Variants in TUBAL3 observed in about 807,000 individuals in gnomAD.
The protein encoded by TUBAL3 is tubulin alpha like 3.
A neutral mutation model predicts 15.5 loss-of-function variants in TUBAL3; 16 were observed. The observed-to-expected ratio is 1.04, with a 90% CI of 0.70 to 1.57. The LOEUF (loss-of-function observed/expected upper bound fraction) is 1.57, where lower values mean the gene tolerates loss of function less well. Ranked by LOEUF, TUBAL3 falls within the 40% of genes most tolerant of loss-of-function variation. The pLI is 0.00. For missense variants in TUBAL3, 609 were observed against 576.2 expected, an observed-to-expected ratio of 1.06 and a Z score of -0.58; for synonymous variants, 238 against 224.3, an observed-to-expected ratio of 1.06 and a Z score of -0.55.
At chr10:5,398,370 C>T (rs1337403711) in intron 2 of TUBAL3, among the ~76,000 whole-genome samples, 1 of 139,152 alleles carries the variant, frequency 7.2e-6, no homozygotes, top group Non-Finnish European at 1.5e-5. Context: ...CAGTGAGCAG[C>T]GATAGTGCCA....
At chr10:5,402,700 C>T (rs1342587949) in intron 1 of TUBAL3, among the ~76,000 whole-genome samples, 1 of 152,254 alleles carries the variant, frequency 6.6e-6, no homozygotes, top group Non-Finnish European at 1.5e-5. Context: ...AGCTCTGCCT[C>T]CTGTCGGATC....
At position 5,403,042 on chromosome 10, in the gene TUBAL3, G is replaced by T. The variant is rs528298659; in HGVS notation, c.3+1748C>A. 8.5e-5 allele frequency among the ~76,000 whole-genome samples: 13 copies of T among 152,320 alleles called. No individual in the cohort carries two copies. In the South Asian group the frequency reaches 2.5e-3, roughly 29 times the overall value. On this transcript the variant is annotated intron_variant, in intron 1 of 3. Transcript: ENST00000380419. ...CATCAAACCTTTGTACTTTGTCTCT[G>T]TGATTCACAAGGCATAACAGCCCTC...
chr10:5,395,343 T>C lies in TUBAL3; in HGVS notation c.380A>G (p.Glu127Gly), dbSNP rs1356515429. The C allele has an allele frequency of 1.9e-6, 3 of 1,572,280 alleles. No individual in the cohort carries two copies. Among genetic ancestry groups the C allele is most frequent in the Admixed American group, 3.5e-5 (2 of 57,170 alleles). ...VGSEVIDLVL[E>G]RTRKLAEQCG... is the part of the protein sequence containing the mutation. Reference sequence around the variant, plus strand: ...GCCACTTGCCAGCTTCCGGGTCCTCTCCAGCACAAGGTCGATGACCTCCGA... The same window carrying C: ...GCCACTTGCCAGCTTCCGGGTCCTCCCCAGCACAAGGTCGATGACCTCCGA... The change falls in exon 3 of 4, where the codon GAG (glutamate) becomes GGG (glycine). Residue 127 changes from glutamate to glycine, a missense_variant. Coordinates refer to ENST00000380419, the MANE Select transcript of TUBAL3 (RefSeq NM_024803.3). This position sits in a 1 kb window ranked among gnomAD's most constrained non-coding sequence, Gnocchi z 4.6.
rs373296205 is a variant in TUBAL3 at position 5,404,828 on chromosome 10, T to C, written c.-36A>G. On this transcript the variant is annotated 5_prime_UTR_variant, in exon 1 of 4. Transcript: ENST00000380419. The stretch of plus-strand genomic sequence containing the variant: ...ACGTGCCCTTCCTGCCCTGTAGTAA[T>C]GACTGAGGAGCCTCCCAGCTGAGCT... 2 of 1,611,240 alleles carry C rather than the reference T, an allele frequency of 1.2e-6. No individual in the cohort carries two copies. The highest frequency in any genetic ancestry group is 2.7e-5 in the African/African-American group (2 of 74,866).
At chr10:5,401,119 CA>C (rs1554814621) in intron 1 of TUBAL3, 32 bp from the exon 2 acceptor site, 1 of 1,609,738 alleles carries the variant, frequency 6.2e-7, no homozygotes, top group South Asian at 1.1e-5. Flanking sequence ...TGGAACTGAG[CA>C]GGTGTTTAGA....
At chr10:5,398,762 AT>A (rs1273327528) in intron 2 of TUBAL3, among the ~76,000 whole-genome samples, 20 of 150,960 alleles carry the variant, frequency 1.3e-4, no homozygotes, top group Middle Eastern at 3.4e-3. Flanking sequence ...GTTTTGCAAT[AT>A]TTTTTTTTGG....
chr10:5,399,800 T>C (rs188109766), intron 2 of TUBAL3, among the ~76,000 whole-genome samples: 2 of 152,294 alleles, frequency 1.3e-5, no homozygotes, highest in African/African-American at 4.8e-5. Flanking sequence ...TCAAAGTGGA[T>C]GCCCCAGTTC....
rs189143380 is a variant in TUBAL3 at position 5,393,233 on chromosome 10, T to G, written c.*284A>C. On this transcript the variant is annotated 3_prime_UTR_variant, in exon 4 of 4. Coordinates refer to ENST00000380419, the MANE Select transcript of TUBAL3 (RefSeq NM_024803.3). ...GCATAAACTTCAGGATTTCATTGTCTCTTGGTAAAACAAAAAAATCCCACC... is the reference window on the plus strand; with the variant it reads ...GCATAAACTTCAGGATTTCATTGTCGCTTGGTAAAACAAAAAAATCCCACC... The G allele has an allele frequency of 7.5e-5, 25 of 332,580 alleles. No individual in the cohort carries two copies. The East Asian group carries it at 1.2e-3, about 16-fold the overall frequency. 20.6% of individuals were successfully genotyped at this position (332,580 alleles called of 1,614,324 possible). A position where few individuals can be genotyped will look rare whatever the true frequency, so the allele number is the denominator to read the frequency against.
intron 2 of TUBAL3, among the ~76,000 whole-genome samples, chr10:5,400,335 A>T (rs1268245022): frequency 6.6e-6 from 1 of 152,158 alleles, no homozygotes; most frequent in African/African-American, 2.4e-5. Context: ...CACACAGGTA[A>T]AGAAGGCTAA....
At chr10:5,401,458 G>C (rs1831850670) in intron 1 of TUBAL3, among the ~76,000 whole-genome samples, 1 of 151,450 alleles carries the variant, frequency 6.6e-6, no homozygotes, top group Non-Finnish European at 1.5e-5. Context: ...GTGTGTGCGT[G>C]TAGTTATATA....
rs1554813694 is a variant in TUBAL3 at position 5,393,553 on chromosome 10, C to G, written c.1305G>C (p.Leu435=). The change falls in exon 4 of 4, where the codon CTG becomes CTC. Residue 435 remains leucine (L), a synonymous_variant. Coordinates refer to ENST00000380419, the MANE Select transcript of TUBAL3 (RefSeq NM_024803.3). ...FLEAREDLAA[L]ERDYEEVAQS... ...GCGCCACTTCCTCATAGTCCCTCTC[C>G]AGGGCTGCCAGATCTTCCCTGGCCT... The G allele has an allele frequency of 6.2e-7, 1 of 1,613,410 alleles. No individual in the cohort carries two copies. The highest frequency in any genetic ancestry group is 1.7e-5 in the Admixed American group (1 of 59,998).
In TUBAL3 at chr10:5,393,265, T is replaced by TGA; in HGVS notation, c.*250_*251dup. 5.0e-6 allele frequency: 2 copies of TGA among 398,292 alleles called. No individual in the cohort carries two copies. Among genetic ancestry groups the TGA allele is most frequent in the Non-Finnish European group, 8.9e-6 (2 of 225,290 alleles). The allele number at this position is 398,292 out of a possible 1,614,324, so 24.7% of individuals were successfully genotyped here. ...AAAACAAAAAAATCCCACCTAGAAG[T>TGA]GACTCAGCAGTTCAAAGGACTCTAA... On this transcript the variant is annotated 3_prime_UTR_variant, in exon 4 of 4. Transcript: ENST00000380419.
At chr10:5,402,815 G>A (rs567137363) in intron 1 of TUBAL3, among the ~76,000 whole-genome samples, 24 of 152,330 alleles carry the variant, frequency 1.6e-4, no homozygotes, top group African/African-American at 5.1e-4. Context: ...AATGCCTGAC[G>A]ATCTGAGGTG....
chr10:5,401,882 C>G (rs761682893), intron 1 of TUBAL3, among the ~76,000 whole-genome samples: 1 of 151,850 alleles, frequency 6.6e-6, no homozygotes, highest in Non-Finnish European at 1.5e-5. Flanking sequence ...GCATGAAAAC[C>G]AAAAACCAAT....
chr10:5,397,873 C>G lies in TUBAL3; in HGVS notation c.248-2398G>C, dbSNP rs6601958. Among the ~76,000 whole-genome samples, 99,540 of 152,044 alleles carry G rather than the reference C, an allele frequency of 0.65. 32,793 individuals are homozygous for G. The highest frequency in any genetic ancestry group is 0.72 in the Admixed American group (10,979 of 15,292). ...TTGAGCCTGCCCCAGACCATCTTCC[C>G]AGACTCATCCCCTGCTTTGAGCTCC... On this transcript the variant is annotated intron_variant, in intron 2 of 3. Transcript: ENST00000380419. The surrounding 1 kb of genome is among the most constrained non-coding windows in gnomAD (Gnocchi z 4.9).
chr10:5,401,108 T>C (rs1554814618), intron 1 of TUBAL3, 21 bp from the exon 2 acceptor site: 2 of 1,612,858 alleles, frequency 1.2e-6, no homozygotes, highest in Admixed American at 3.3e-5. Context: ...TCATGGTGAG[T>C]TGGAACTGAG....
At chr10:5,403,013 A>G (rs1237682641) in intron 1 of TUBAL3, among the ~76,000 whole-genome samples, 4 of 152,206 alleles carry the variant, frequency 2.6e-5, no homozygotes, top group Non-Finnish European at 4.4e-5. Flanking sequence ...TTCATGCTCA[A>G]TGGCATCAAA....
rs1257498613 is a variant in TUBAL3 at position 5,395,111 on chromosome 10, C to A, written c.396+216G>T. Among the ~76,000 whole-genome samples, 1 of 152,116 alleles carries A rather than the reference C, an allele frequency of 6.6e-6. No homozygotes were observed. Among genetic ancestry groups the A allele is most frequent in the East Asian group, 1.9e-4 (1 of 5,194 alleles). On this transcript the variant is annotated intron_variant, in intron 3 of 3. Transcript: ENST00000380419. The surrounding 1 kb of genome is among the most constrained non-coding windows in gnomAD (Gnocchi z 4.6). ...CAGGGATGATCAGGTGATCAGGGGACCCCCCAGTAAGTATAAAAGTTTCTG... is the reference window on the plus strand; with the variant it reads ...CAGGGATGATCAGGTGATCAGGGGAACCCCCAGTAAGTATAAAAGTTTCTG...
rs1554813924 is a variant in TUBAL3, at chr10:5,394,634, G to T, written c.397-173C>A. Among the ~76,000 whole-genome samples, 1 of 152,204 alleles carries T rather than the reference G, an allele frequency of 6.6e-6. No individual in the cohort carries two copies. Among genetic ancestry groups the T allele is most frequent in the East Asian group, 1.9e-4 (1 of 5,194 alleles). On this transcript the variant is annotated intron_variant, in intron 3 of 3. Coordinates refer to ENST00000380419, the MANE Select transcript of TUBAL3 (RefSeq NM_024803.3). The surrounding 1 kb of genome is among the most constrained non-coding windows in gnomAD (Gnocchi z 4.3). ...AGCTACTTTGAAATACTCTCAAGGG[G>T]ACTTCTGGAGTAGGCAAAGCACTTC...
Sources: allele counts gnomAD v4.1 joint callset (sites outside exome capture counted in the v4.1 genomes callset), GRCh38; gene constraint gnomAD v4.1.1; non-coding constraint Gnocchi (gnomAD v3.1); transcripts MANE v1.5; gene names NCBI Gene and HGNC (gene_info 2026-07-23, HGNC 2026-07-21).